Variants in SEMA5A observed in about 807,000 individuals in gnomAD.
The protein encoded by SEMA5A is semaphorin 5A, also known as semaphorin-5A.
SEMA5A carries 55 observed loss-of-function variants against 135.5 expected under a neutral mutation model. The ratio of observed to expected loss-of-function variants is 0.41; its 90% confidence interval spans 0.33 to 0.51. The LOEUF is 0.51. Ranked by LOEUF, SEMA5A falls within the 20% of genes least tolerant of loss-of-function variation. The probability of loss-of-function intolerance (pLI) is 0.37; values close to 1 mark genes in which losing one functional copy is unlikely to be tolerated. For missense variants in SEMA5A, 1,290 were observed against 1,419.9 expected (o/e 0.91, Z 1.47); for synonymous variants, 580 against 546.5 (o/e 1.06, Z -0.85).
intron 1 of SEMA5A, among the ~76,000 whole-genome samples, chr5:9,513,068 A>ATATATATATATATATATATATAT (rs1554044104): frequency 7.0e-6 from 1 of 143,722 alleles, no homozygotes; most frequent in African/African-American, 2.5e-5. Context: ...ATATATATAT[A>ATATATATATATATATATATATAT]ATATATATAT....
chr5:9,284,189 CA>C (rs1010263362), intron 5 of SEMA5A, among the ~76,000 whole-genome samples: 2 of 151,632 alleles, frequency 1.3e-5, no homozygotes, highest in Admixed American at 1.3e-4. Flanking sequence ...ACTCTAATTC[CA>C]AATTAGGAGA....
intron 21 of SEMA5A, among the ~76,000 whole-genome samples, chr5:9,045,120 T>A (rs1736180790): frequency 6.6e-6 from 1 of 152,180 alleles, no homozygotes; most frequent in Admixed American, 6.5e-5. Context: ...CTCTTATGAA[T>A]GATAGTCTTT....
intron 5 of SEMA5A, among the ~76,000 whole-genome samples, chr5:9,284,289 A>G (rs1228923159): frequency 6.6e-6 from 1 of 152,246 alleles, no homozygotes; most frequent in Non-Finnish European, 1.5e-5. Context: ...AATATCTAAC[A>G]CAGTAGCAAT....
At chr5:9,243,376 A>G (rs893364848) in intron 5 of SEMA5A, among the ~76,000 whole-genome samples, 7 of 152,298 alleles carry the variant, frequency 4.6e-5, no homozygotes, top group Admixed American at 2.0e-4. Context: ...GACACCGGCC[A>G]CTGGATTAAG....
At chr5:9,163,827 A>T (rs1376906523) in intron 11 of SEMA5A, among the ~76,000 whole-genome samples, 1 of 151,898 alleles carries the variant, frequency 6.6e-6, no homozygotes, top group East Asian at 1.9e-4. Context: ...AGCCATCTGT[A>T]AGCCAGGAGG....
At chr5:9,446,861 C>T (rs192724415) in intron 1 of SEMA5A, among the ~76,000 whole-genome samples, 2 of 152,232 alleles carry the variant, frequency 1.3e-5, no homozygotes, top group East Asian at 3.9e-4. Context: ...AAAAAAAGGG[C>T]TGGGTTCTTA....
intron 1 of SEMA5A, among the ~76,000 whole-genome samples, chr5:9,455,665 GT>G (rs904250906): frequency 6.6e-6 from 1 of 152,192 alleles, no homozygotes; most frequent in Non-Finnish European, 1.5e-5. Flanking sequence ...CAATCTTATA[GT>G]AAGAAATTGT....
intron 1 of SEMA5A, among the ~76,000 whole-genome samples, chr5:9,489,306 G>C (rs1007822942): frequency 2.0e-5 from 3 of 152,106 alleles, no homozygotes; most frequent in Non-Finnish European, 4.4e-5. Flanking sequence ...GGCAGGTGCG[G>C]TGTTAGGCTT....
intron 8 of SEMA5A, among the ~76,000 whole-genome samples, chr5:9,216,362 G>A (rs11956954): frequency 0.029 from 4,464 of 152,176 alleles, 236 homozygotes; most frequent in African/African-American, 0.1. Flanking sequence ...GCTTGGTATG[G>A]TTTTGGTTCT....
chr5:9,245,200 C>T (rs956999229), intron 5 of SEMA5A, among the ~76,000 whole-genome samples: 20 of 152,160 alleles, frequency 1.3e-4, no homozygotes, highest in Non-Finnish European at 1.9e-4. Context: ...ATCCTGCCTG[C>T]GGAAATAAAG....
intron 16 of SEMA5A, among the ~76,000 whole-genome samples, chr5:9,076,684 T>C (rs554433867): frequency 3.9e-5 from 6 of 152,262 alleles, no homozygotes; most frequent in African/African-American, 1.4e-4. Flanking sequence ...AGTAAAATCA[T>C]CGTAATTTTT....
chr5:9,225,840 C>T (rs945034195), intron 7 of SEMA5A, among the ~76,000 whole-genome samples: 2 of 152,096 alleles, frequency 1.3e-5, no homozygotes, highest in Admixed American at 6.5e-5. Context: ...GGAATCTTTG[C>T]TCAATTTGGT....
intron 18 of SEMA5A, among the ~76,000 whole-genome samples, chr5:9,054,559 A>C (rs1361340217): frequency 6.6e-6 from 1 of 152,164 alleles, no homozygotes; most frequent in African/African-American, 2.4e-5. Context: ...CTAAGTACAA[A>C]CATGACAGCA....
chr5:9,294,957 G>A (rs867446938), intron 5 of SEMA5A, among the ~76,000 whole-genome samples: 12 of 152,000 alleles, frequency 7.9e-5, no homozygotes, highest in Middle Eastern at 3.4e-3. Context: ...ATCACTCAAG[G>A]TCACTAGCGC....
At chr5:9,284,715 T>C (rs1041978571) in intron 5 of SEMA5A, among the ~76,000 whole-genome samples, 8 of 152,202 alleles carry the variant, frequency 5.3e-5, no homozygotes, top group Non-Finnish European at 1.0e-4. Flanking sequence ...AGACCTAAGA[T>C]GTTTTTGTAT....
At chr5:9,428,170 A>C (rs1265119566) in intron 2 of SEMA5A, among the ~76,000 whole-genome samples, 1 of 72,500 alleles carries the variant, frequency 1.4e-5, no homozygotes. Context: ...CTATCTATCC[A>C]TCCATCCATC....
intron 12 of SEMA5A, among the ~76,000 whole-genome samples, chr5:9,154,103 G>A (rs1207664857): frequency 8.5e-6 from 1 of 117,156 alleles, no homozygotes; most frequent in Non-Finnish European, 1.8e-5. Context: ...ATGTGTGTGT[G>A]TGTATGTGTG....
chr5:9,535,960 T>G (rs1737742876), intron 1 of SEMA5A, among the ~76,000 whole-genome samples: 1 of 152,018 alleles, frequency 6.6e-6, no homozygotes, highest in Non-Finnish European at 1.5e-5. Context: ...TGTGGTCCTG[T>G]CTATAGGCGC....
intron 2 of SEMA5A, among the ~76,000 whole-genome samples, chr5:9,419,974 C>A (rs1757409529): frequency 6.6e-6 from 1 of 152,156 alleles, no homozygotes; most frequent in African/African-American, 2.4e-5. Flanking sequence ...TGCAGCCAAA[C>A]CACTGGTTTC....
Sources: allele counts gnomAD v4.1 joint callset (sites outside exome capture counted in the v4.1 genomes callset), GRCh38; gene constraint gnomAD v4.1.1; transcripts MANE v1.5; gene names NCBI Gene and HGNC (gene_info 2026-07-23, HGNC 2026-07-21).